HSF2BP: variants seen among roughly 807,000 people sequenced by gnomAD.
The protein encoded by HSF2BP is heat shock factor 2-binding protein.
In HSF2BP, 35 loss-of-function variants were observed where a neutral mutation model predicts 35.0. That is an observed-to-expected ratio of 1.00 (90% CI 0.76 to 1.32). The LOEUF is 1.32. HSF2BP is among the 40% of genes most tolerant of loss of function. HSF2BP has a pLI of 0.00. For synonymous variants in HSF2BP, 114 were observed against 117.4 expected (o/e 0.97, Z 0.18); for missense variants, 326 against 321.7 (o/e 1.01, Z -0.10).
intron 8 of HSF2BP, among the ~76,000 whole-genome samples, chr21:43,573,539 G>C (rs1205592084): frequency 2.0e-5 from 3 of 152,342 alleles, no homozygotes; most frequent in South Asian, 2.1e-4. Context: ...GTAATCTTCA[G>C]AAGGCCAGAC....
intron 7 of HSF2BP, among the ~76,000 whole-genome samples, chr21:43,604,657 CCA>C (rs757355507): frequency 5.4e-4 from 71 of 130,286 alleles, no homozygotes; most frequent in East Asian, 4.1e-3. Flanking sequence ...CACACACACA[CCA>C]CACACACACA....
chr21:43,593,019 T>C (rs1000472358), intron 7 of HSF2BP, among the ~76,000 whole-genome samples: 4 of 152,204 alleles, frequency 2.6e-5, no homozygotes, highest in African/African-American at 9.6e-5. Context: ...AAATATTTTT[T>C]GCAAAGCCTT....
At chr21:43,607,525 G>A (rs1157763766) in intron 7 of HSF2BP, among the ~76,000 whole-genome samples, 1 of 152,094 alleles carries the variant, frequency 6.6e-6, no homozygotes, top group Non-Finnish European at 1.5e-5. Flanking sequence ...ACTGCCCAAA[G>A]CAATCTACAG....
At chr21:43,573,665 AG>A (rs1160455624) in intron 8 of HSF2BP, among the ~76,000 whole-genome samples, 2 of 152,132 alleles carry the variant, frequency 1.3e-5, no homozygotes, top group African/African-American at 4.8e-5. Context: ...TCTCCCTCAC[AG>A]GGGACAGACA....
At chr21:43,584,663 T>G (rs1410274420) in intron 8 of HSF2BP, among the ~76,000 whole-genome samples, 1 of 152,222 alleles carries the variant, frequency 6.6e-6, no homozygotes, top group Non-Finnish European at 1.5e-5. Context: ...CAAACCTGCA[T>G]GAAAACCAGC....
chr21:43,633,741 C>G (rs1040822233), intron 4 of HSF2BP, among the ~76,000 whole-genome samples: 1 of 152,192 alleles, frequency 6.6e-6, no homozygotes, highest in African/African-American at 2.4e-5. Context: ...AGAACCAGCA[C>G]CAACCGAGGC....
At chr21:43,617,089 G>C (rs1022195864) in intron 6 of HSF2BP, among the ~76,000 whole-genome samples, 4 of 152,094 alleles carry the variant, frequency 2.6e-5, no homozygotes, top group Non-Finnish European at 1.5e-5. Context: ...CCAGATGTTG[G>C]AGAGCAGAAG....
intron 7 of HSF2BP, among the ~76,000 whole-genome samples, chr21:43,598,728 T>G (rs1254667120): frequency 6.6e-6 from 1 of 152,188 alleles, no homozygotes; most frequent in Non-Finnish European, 1.5e-5. Context: ...AGTAACCTAT[T>G]TAATGAGGTA....
At chr21:43,652,431 T>TGAACATTAACCTCTAGAAGC (rs1181529735) in intron 3 of HSF2BP, among the ~76,000 whole-genome samples, 4 of 140,782 alleles carry the variant, frequency 2.8e-5, no homozygotes, top group African/African-American at 1.1e-4. Flanking sequence ...CAACTGGAAG[T>TGAACATTAACCTCTAGAAGC]GCACATTAAC....
intron 6 of HSF2BP, among the ~76,000 whole-genome samples, chr21:43,614,902 A>G (rs558988566): frequency 6.6e-6 from 1 of 152,358 alleles, no homozygotes; most frequent in Non-Finnish European, 1.5e-5. Context: ...AAGAGTATGA[A>G]AATGGATTTT....
intron 8 of HSF2BP, among the ~76,000 whole-genome samples, chr21:43,574,015 T>C (rs997252852): frequency 2.0e-5 from 3 of 152,176 alleles, no homozygotes; most frequent in Admixed American, 1.3e-4. Flanking sequence ...GACGGGCTTC[T>C]GCTCCATGAG....
chr21:43,638,129 T>C (rs1437405547), intron 4 of HSF2BP, among the ~76,000 whole-genome samples: 2 of 151,826 alleles, frequency 1.3e-5, no homozygotes, highest in Admixed American at 6.6e-5. Flanking sequence ...TCTCAAGAAA[T>C]CCATAAAAGA....
intron 3 of HSF2BP, among the ~76,000 whole-genome samples, chr21:43,649,147 T>C (rs1275137769): frequency 6.6e-6 from 1 of 152,148 alleles, no homozygotes; most frequent in Non-Finnish European, 1.5e-5. Context: ...TTCTGCCTCC[T>C]GGGCTCAAGC....
At chr21:43,604,782 A>G (rs973718247) in intron 7 of HSF2BP, among the ~76,000 whole-genome samples, 1 of 134,896 alleles carries the variant, frequency 7.4e-6, no homozygotes, top group Non-Finnish European at 1.6e-5. Context: ...ATGCCACACC[A>G]CACACATGCC....
chr21:43,578,156 T>G (rs571107813), intron 8 of HSF2BP, among the ~76,000 whole-genome samples: 17 of 152,324 alleles, frequency 1.1e-4, no homozygotes, highest in Middle Eastern at 6.8e-3. Context: ...TGCCCTGCAC[T>G]GACCACCTTA....
chr21:43,599,867 C>A (rs941092470), intron 7 of HSF2BP, among the ~76,000 whole-genome samples: 137 of 132,406 alleles, frequency 1.0e-3, no homozygotes, highest in Middle Eastern at 3.8e-3. Context: ...CTTCCAATGA[C>A]AAAAAAAAAA....
intron 6 of HSF2BP, among the ~76,000 whole-genome samples, chr21:43,618,434 G>A (rs545268928): frequency 7.9e-5 from 12 of 152,288 alleles, no homozygotes; most frequent in African/African-American, 2.9e-4. Flanking sequence ...TGGTAGAATT[G>A]AGAGTACAGA....
chr21:43,455,188 G>A, the HSF2BP span, among the ~76,000 whole-genome samples: 30 of 54,966 alleles, frequency 5.5e-4, 11 homozygotes, highest in African/African-American at 2.6e-3. Context: ...GGTGAGCTGA[G>A]ATGGCAAAGG....
chr21:43,598,389 G>GTTT (rs10650407), intron 7 of HSF2BP, among the ~76,000 whole-genome samples: 1,456 of 143,334 alleles, frequency 0.01, 16 homozygotes, highest in Middle Eastern at 0.014. Context: ...GGGTTTTTTT[G>GTTT]TTTTTTTTTT....
Sources: gnomAD v4.1 joint callset for allele counts (sites outside exome capture counted in the v4.1 genomes callset) on GRCh38, gnomAD v4.1.1 for gene constraint, MANE v1.5 for transcripts, NCBI Gene and HGNC (gene_info 2026-07-23, HGNC 2026-07-21) for gene names.